The following MYO3B variants were observed in gnomAD, a reference collection of about 807,000 sequenced individuals.
The protein encoded by MYO3B is myosin-IIIb.
Under a neutral mutation model 174.6 loss-of-function variants are expected in MYO3B, and 156 were observed. The observed-to-expected ratio is 0.89, with a 90% CI of 0.78 to 1.02. The LOEUF (loss-of-function observed/expected upper bound fraction) is 1.02, where lower values mean the gene tolerates loss of function less well. Among genes scored for constraint, MYO3B ranks in the 50% least tolerant of loss-of-function variants. The pLI is 0.00. For synonymous variants in MYO3B, 563 were observed against 569.1 expected (o/e 0.99, Z 0.15); for missense variants, 1,632 against 1,639.4 (o/e 1.00, Z 0.08).
intron 19 of MYO3B, 28 bp downstream of exon 19, chr2:170,403,023 C>A: frequency 6.5e-7 from 1 of 1,545,934 alleles, no homozygotes; most frequent in Non-Finnish European, 8.8e-7. Context: ...GGTAACTAAA[C>A]TTGATGGGGA....
chr2:170,559,573 A>G (rs78588869), intron 32 of MYO3B, among the ~76,000 whole-genome samples: 2,655 of 152,212 alleles, frequency 0.017, 65 homozygotes, highest in East Asian at 0.088. Flanking sequence ...AATACTTGCA[A>G]TTTTTTAAAA....
At chr2:170,273,774 G>A (rs1484359080) in intron 7 of MYO3B, among the ~76,000 whole-genome samples, 2 of 151,930 alleles carry the variant, frequency 1.3e-5, no homozygotes, top group Non-Finnish European at 2.9e-5. Flanking sequence ...CATAAAGTTG[G>A]TCTAATACAT....
At chr2:170,499,527 C>T (rs1687087666) in intron 26 of MYO3B, 119 bp from the exon 27 acceptor site, 2 of 941,292 alleles carry the variant, frequency 2.1e-6, no homozygotes, top group Non-Finnish European at 3.1e-6. Flanking sequence ...GCATAAGTCA[C>T]ATCGCTATAA....
chr2:170,215,170 G>A (rs1177987592), intron 5 of MYO3B, among the ~76,000 whole-genome samples: 3 of 152,230 alleles, frequency 2.0e-5, no homozygotes, highest in African/African-American at 7.2e-5. Flanking sequence ...TTTTGCATAT[G>A]AAAAGAGAAA....
At chr2:170,549,261 C>T (rs546894650) in intron 32 of MYO3B, among the ~76,000 whole-genome samples, 3 of 152,306 alleles carry the variant, frequency 2.0e-5, no homozygotes, top group African/African-American at 7.2e-5. Context: ...TTCTTCCTGT[C>T]TACAGGGAGT....
At chr2:170,187,364 C>G (rs1321439582) in intron 1 of MYO3B, among the ~76,000 whole-genome samples, 1 of 152,076 alleles carries the variant, frequency 6.6e-6, no homozygotes, top group Non-Finnish European at 1.5e-5. Context: ...TCCTGAGTAG[C>G]TGGGATTACA....
At chr2:170,476,829 G>A (rs1364543152) in intron 25 of MYO3B, among the ~76,000 whole-genome samples, 2 of 151,946 alleles carry the variant, frequency 1.3e-5, no homozygotes, top group Non-Finnish European at 2.9e-5. Flanking sequence ...CTCTTCTACC[G>A]AGTATTTCCC....
In MYO3B at chr2:170,387,223, A is replaced by G. The variant is rs1211166152; in HGVS notation, c.1492A>G (p.Met498Val). ...GAGCCGTTTTGGAAAATATCTGGAA[A>G]TGATGTTTACACCAACTGGAGTTGT... ...NSSRFGKYLE[M>V]MFTPTGVVMG... The change falls in exon 14 of 35, where the codon ATG becomes GTG. Residue 498 changes from methionine (M) to valine (V), a missense_variant. Coordinates refer to ENST00000408978, the MANE Select transcript of MYO3B (RefSeq NM_138995.5). The G allele has an allele frequency of 6.2e-7, 1 of 1,614,130 alleles. No homozygotes were observed. The highest frequency in any genetic ancestry group is 1.1e-5 in the South Asian group (1 of 91,082).
chr2:170,473,442 A>G (rs1368371382), intron 25 of MYO3B, among the ~76,000 whole-genome samples: 1 of 151,938 alleles, frequency 6.6e-6, no homozygotes, highest in Non-Finnish European at 1.5e-5. Context: ...CACTGCGCCC[A>G]GCCGTTTTAT....
chr2:170,495,600 GAT>G (rs1460798236), intron 25 of MYO3B, among the ~76,000 whole-genome samples: 1 of 150,454 alleles, frequency 6.6e-6, no homozygotes, highest in Non-Finnish European at 1.5e-5. Flanking sequence ...AACACCCACA[GAT>G]GTCCGAAAAA....
In MYO3B at chr2:170,214,411, C is replaced by G. The variant is rs1161771297; in HGVS notation, c.354C>G (p.Val118=). ...ATGGGGGCTCAGTCACTGAGCTTGT[C>G]AAAGGTCTACTCAGATGTGGCCAGC... The part of the protein sequence containing the change: ...LCNGGSVTEL[V]KGLLRCGQRL... Residue 118 remains valine, a synonymous_variant, in exon 4 of 35, where the codon GTC becomes GTG. Coordinates refer to ENST00000408978, the MANE Select transcript of MYO3B (RefSeq NM_138995.5). 1.2e-6 allele frequency: 2 copies of G among 1,614,002 alleles called. No homozygotes were observed. The highest frequency in any genetic ancestry group is 3.3e-5 in the Admixed American group (2 of 60,002).
chr2:170,428,797 A>G (rs893102117), intron 22 of MYO3B, among the ~76,000 whole-genome samples: 8 of 152,232 alleles, frequency 5.3e-5, no homozygotes, highest in Admixed American at 2.6e-4. Flanking sequence ...ATGCCATGAC[A>G]CACAAGTGCA....
intron 7 of MYO3B, among the ~76,000 whole-genome samples, chr2:170,251,058 C>A (rs774702205): frequency 6.6e-6 from 1 of 152,024 alleles, no homozygotes; most frequent in Non-Finnish European, 1.5e-5. Context: ...CACGGGTATT[C>A]GGGCTTGAGG....
intron 8 of MYO3B, among the ~76,000 whole-genome samples, chr2:170,339,032 A>G (rs1169640735): frequency 3.3e-5 from 5 of 152,220 alleles, no homozygotes; most frequent in Admixed American, 6.5e-5. Flanking sequence ...AGTATAAACA[A>G]TGATATTCAC....
intron 30 of MYO3B, among the ~76,000 whole-genome samples, chr2:170,524,023 T>C (rs369011525): frequency 6.6e-6 from 1 of 152,074 alleles, no homozygotes; most frequent in East Asian, 1.9e-4. Context: ...CAGGAAAAGA[T>C]GAAGGGAAGG....
At chr2:170,630,218 C>T (rs966083865) in intron 32 of MYO3B, among the ~76,000 whole-genome samples, 1 of 152,198 alleles carries the variant, frequency 6.6e-6, no homozygotes, top group African/African-American at 2.4e-5. Context: ...TGGCACTTTT[C>T]TGAAGGTCTT....
intron 6 of MYO3B, among the ~76,000 whole-genome samples, chr2:170,219,946 T>A (rs1307353033): frequency 1.3e-5 from 2 of 152,170 alleles, no homozygotes; most frequent in African/African-American, 4.8e-5. Flanking sequence ...TATGTATAAA[T>A]GGCTTTGTAC....
chr2:170,294,361 A>G (rs1025603129), intron 7 of MYO3B, among the ~76,000 whole-genome samples: 1 of 150,970 alleles, frequency 6.6e-6, no homozygotes, highest in African/African-American at 2.4e-5. Context: ...ACTAATTTGG[A>G]TATATTTATT....
intron 16 of MYO3B, among the ~76,000 whole-genome samples, chr2:170,396,891 A>G (rs1461243897): frequency 1.3e-5 from 2 of 152,180 alleles, no homozygotes; most frequent in Non-Finnish European, 2.9e-5. Context: ...TATTTTTTCT[A>G]AGAGTACTGA....
Sources: allele counts gnomAD v4.1 joint callset (sites outside exome capture counted in the v4.1 genomes callset), GRCh38; gene constraint gnomAD v4.1.1; transcripts MANE v1.5; gene names NCBI Gene and HGNC (gene_info 2026-07-23, HGNC 2026-07-21).